ZNF701: variants seen among roughly 807,000 people sequenced by gnomAD.
ZNF701 encodes the protein zinc finger protein 701.
ZNF701 carries 6 observed loss-of-function variants against 7.1 expected under a neutral mutation model. The observed-to-expected ratio is 0.84, with a 90% CI of 0.46 to 1.66. ZNF701 has a LOEUF of 1.66. Among genes scored for constraint, ZNF701 ranks in the 40% most tolerant of loss-of-function variants. The pLI is 0.01. For synonymous variants in ZNF701, 166 were observed against 188.2 expected (o/e 0.88, Z 0.97); for missense variants, 541 against 559.2 (o/e 0.97, Z 0.33).
At position 52,582,820 on chromosome 19, in the gene ZNF701, A is replaced by G. The variant is rs762886725; in HGVS notation, c.761A>G (p.Gln254Arg). The G allele has an allele frequency of 8.1e-6, 13 of 1,614,230 alleles. No individual in the cohort carries two copies. The highest frequency in any genetic ancestry group is 1.1e-5 in the Non-Finnish European group (13 of 1,180,040). The change falls in exon 4 of 4, where the codon CAG (glutamine) becomes CGG (arginine). Residue 254 changes from glutamine to arginine, a missense_variant. Physicochemically the swap from Gln to Arg is conservative, Grantham distance 43. Coordinates refer to ENST00000391785, the MANE Select transcript of ZNF701 (RefSeq NM_018260.3). ...KCDVCGKDFH[Q>R]KRYLACHRCH... ...GATGTATGCGGCAAGGACTTTCATC[A>G]GAAGCGATACCTTGCATGCCATAGA...
At chr19:52,576,702 G>A (rs753141299) in intron 3 of ZNF701, among the ~76,000 whole-genome samples, 2 of 152,036 alleles carry the variant, frequency 1.3e-5, no homozygotes, top group Non-Finnish European at 2.9e-5. Flanking sequence ...AGTCAGTGGA[G>A]CAATTAGTAA....
At chr19:52,598,375 G>C in the ZNF701 span, among the ~76,000 whole-genome samples, 1 of 152,194 alleles carries the variant, frequency 6.6e-6, no homozygotes, top group African/African-American at 2.4e-5. Flanking sequence ...TGAGCAGGTA[G>C]AGTCACGCAT....
rs552888342 is a variant in ZNF701 at position 52,584,317 on chromosome 19, A to G, written c.*860A>G. ...TTCAGTTGAAGCATTAATTGACATTAAAGTGTTTATGTTAAGAGGATTGGG... is the reference window on the plus strand; with the variant it reads ...TTCAGTTGAAGCATTAATTGACATTGAAGTGTTTATGTTAAGAGGATTGGG... On this transcript the variant is annotated 3_prime_UTR_variant, in exon 4 of 4. Coordinates refer to ENST00000391785, the MANE Select transcript of ZNF701 (RefSeq NM_018260.3). 1.1e-4 allele frequency: 23 copies of G among 206,356 alleles called. No homozygotes were observed. Among genetic ancestry groups the G allele is most frequent in the Non-Finnish European group, 1.9e-4 (19 of 99,968 alleles). 12.8% of individuals were successfully genotyped at this position (206,356 alleles called of 1,614,324 possible).
chr19:52,578,017 G>T (rs1473027404), intron 3 of ZNF701, among the ~76,000 whole-genome samples: 1 of 152,016 alleles, frequency 6.6e-6, no homozygotes, highest in Admixed American at 6.6e-5. Flanking sequence ...CACTTTAGGG[G>T]TCCAAGGCGG....
At chr19:52,576,530 A>T (rs1405896276) in intron 3 of ZNF701, among the ~76,000 whole-genome samples, 1 of 151,822 alleles carries the variant, frequency 6.6e-6, no homozygotes, top group Non-Finnish European at 1.5e-5. Flanking sequence ...ACAGAGCAAG[A>T]CTCTCTCTCA....
At position 52,583,837 on chromosome 19, in the gene ZNF701, C is replaced by T. The variant is rs892150543; in HGVS notation, c.*380C>T. 4 of 534,108 alleles carry T rather than the reference C, an allele frequency of 7.5e-6. No individual in the cohort carries two copies. Among genetic ancestry groups the T allele is most frequent in the African/African-American group, 5.7e-5 (3 of 52,538 alleles). The allele number at this position is 534,108 out of a possible 1,614,324, so 33.1% of individuals were successfully genotyped here. A position where few individuals can be genotyped will look rare whatever the true frequency, so the allele number is the denominator to read the frequency against. ...GTCTTCAGTAATATTACAGCCATTG[C>T]AAAACATTGGAGAATCCATAATGAA... On this transcript the variant is annotated 3_prime_UTR_variant, in exon 4 of 4. Transcript: ENST00000391785.
chr19:52,588,657 C>A, downstream of ZNF701: 1 of 327,916 alleles, frequency 3.0e-6, no homozygotes, highest in South Asian at 3.3e-5. Context: ...TCCTTGTTTT[C>A]TTAAATACCA....
chr19:52,595,433 C>G, the ZNF701 span, among the ~76,000 whole-genome samples: 1 of 119,424 alleles, frequency 8.4e-6, no homozygotes, highest in East Asian at 2.1e-4. Context: ...CTACACCTGG[C>G]TAATTTTTTT....
chr19:52,578,821 G>A (rs1032522538), intron 3 of ZNF701, among the ~76,000 whole-genome samples: 21 of 152,230 alleles, frequency 1.4e-4, no homozygotes, highest in East Asian at 7.8e-4. Context: ...GCAGTGGTGC[G>A]ATCTCGGCTC....
rs189621271 is a variant in ZNF701 at position 52,579,297 on chromosome 19, C to T, written c.143-2905C>T. On this transcript the variant is annotated intron_variant, in intron 3 of 3. Transcript: ENST00000391785. The stretch of plus-strand genomic sequence containing the variant: ...ATCCCAGCACTTTGGGAGGCCAAGG[C>T]GGGTGGATCACCTGAGGTCAGGAGT... Among the ~76,000 whole-genome samples, 240 of 140,864 alleles carry T rather than the reference C, an allele frequency of 1.7e-3. 54 individuals carry two copies. Among genetic ancestry groups the T allele is most frequent in the African/African-American group, 6.9e-3 (223 of 32,186 alleles). The allele number at this position is 140,864 out of a possible 152,430, so 92.4% of individuals were successfully genotyped here.
At chr19:52,590,107 G>GTTTT (rs5828512), downstream of ZNF701, among the ~76,000 whole-genome samples, 2 of 137,350 alleles carry the variant, frequency 1.5e-5, no homozygotes, top group Admixed American at 7.4e-5. Context: ...TTTTTTTATT[G>GTTTT]TTTTTTTTTT....
rs1438718361 is a variant in ZNF701, at chr19:52,582,991, C to T, written c.932C>T (p.Ser311Leu). Residue 311 changes from serine (S) to leucine (L), a missense_variant, in exon 4 of 4, where the codon TCA becomes TTA. Coordinates refer to ENST00000391785, the MANE Select transcript of ZNF701 (RefSeq NM_018260.3). ...TGTGGCAAGGTTTTTAATCAACAAT[C>T]AAACCTTGCACGTCATCATAGAGTT... ...NECGKVFNQQ[S>L]NLARHHRVHT... 9 of 1,613,844 alleles carry T rather than the reference C, an allele frequency of 5.6e-6. No homozygotes were observed. Among genetic ancestry groups the T allele is most frequent in the Non-Finnish European group, 6.8e-6 (8 of 1,179,966 alleles).
At chr19:52,594,515 T>C in the ZNF701 span, among the ~76,000 whole-genome samples, 1 of 74,716 alleles carries the variant, frequency 1.3e-5, no homozygotes, top group African/African-American at 5.6e-5. Flanking sequence ...TTTTTTTGTT[T>C]TTTGTTTTTT....
downstream of ZNF701, among the ~76,000 whole-genome samples, chr19:52,589,701 G>A (rs976146396): frequency 1.3e-5 from 2 of 151,890 alleles, no homozygotes; most frequent in Admixed American, 1.3e-4. Flanking sequence ...AATTTCTTTT[G>A]GCTTCTGAAA....
intron 3 of ZNF701, among the ~76,000 whole-genome samples, chr19:52,577,635 G>A (rs952437108): frequency 4.6e-5 from 7 of 151,994 alleles, no homozygotes; most frequent in East Asian, 1.9e-4. Flanking sequence ...TGTCACACCC[G>A]CATAAGGGCC....
At chr19:52,571,884 T>C (rs891591212) in intron 1 of ZNF701, among the ~76,000 whole-genome samples, 11 of 151,928 alleles carry the variant, frequency 7.2e-5, no homozygotes, top group Non-Finnish European at 1.5e-4. Context: ...AGTGCAATGG[T>C]GCGATCTCGG....
Position 52,575,102 on chromosome 19 carries a change from T to C in ZNF701, c.16-793T>C, listed in dbSNP as rs2059924826. On this transcript the variant is annotated intron_variant, in intron 2 of 3. Transcript: ENST00000391785. ...CTCCTGCCTCAGCCTCCTGAGTAGC[T>C]GGGACTACAGGCACCCCCCACCACG... 2.0e-5 allele frequency among the ~76,000 whole-genome samples: 3 copies of C among 152,284 alleles called. No homozygotes were observed. In the South Asian group the frequency reaches 6.2e-4, roughly 32 times the overall value.
the ZNF701 span, chr19:52,595,777 G>A: frequency 7.5e-6 from 12 of 1,598,662 alleles, no homozygotes; most frequent in South Asian, 1.3e-4. Flanking sequence ...AGTTTCAGTG[G>A]CAAGAAATTT....
chr19:52,576,346 G>A (rs2146983762), intron 3 of ZNF701, among the ~76,000 whole-genome samples: 1 of 152,156 alleles, frequency 6.6e-6, no homozygotes, highest in Non-Finnish European at 1.5e-5. Flanking sequence ...TTCAAGACCA[G>A]CCTGGCCAAC....
Sources: allele counts gnomAD v4.1 joint callset (sites outside exome capture counted in the v4.1 genomes callset), GRCh38; gene constraint gnomAD v4.1.1; transcripts MANE v1.5; gene names NCBI Gene and HGNC (gene_info 2026-07-23, HGNC 2026-07-21).